TRPM3: variants seen among roughly 807,000 people sequenced by gnomAD.
The protein encoded by TRPM3 is transient receptor potential cation channel subfamily M member 3.
A neutral mutation model predicts 181.2 loss-of-function variants in TRPM3; 77 were observed. That is an observed-to-expected ratio of 0.42 (90% CI 0.35 to 0.51). The LOEUF (loss-of-function observed/expected upper bound fraction) is 0.51, where lower values mean the gene tolerates loss of function less well. Ranked by LOEUF, TRPM3 falls within the 20% of genes least tolerant of loss-of-function variation. The probability of loss-of-function intolerance (pLI) is 0.01; values close to 1 mark genes in which losing one functional copy is unlikely to be tolerated. For synonymous variants in TRPM3, 745 were observed against 796.4 expected (o/e 0.94, Z 1.09); for missense variants, 1,759 against 2,196.7 (o/e 0.80, Z 3.98).
intron 1 of TRPM3, among the ~76,000 whole-genome samples, chr9:71,116,952 A>G (rs1565232348): frequency 1.3e-5 from 2 of 152,128 alleles, no homozygotes; most frequent in Non-Finnish European, 2.9e-5. Context: ...CCTACTAGAG[A>G]CAATAACTGA....
At chr9:71,019,876 T>C (rs1366481519) in intron 1 of TRPM3, among the ~76,000 whole-genome samples, 4 of 152,080 alleles carry the variant, frequency 2.6e-5, no homozygotes, top group African/African-American at 9.7e-5. Context: ...GGTTCAGAAA[T>C]AGACCCACTC....
At chr9:70,562,869 G>A (rs565599790) in intron 22 of TRPM3, among the ~76,000 whole-genome samples, 42 of 152,016 alleles carry the variant, frequency 2.8e-4, no homozygotes, top group Non-Finnish European at 4.6e-4. Flanking sequence ...TATTGTACAC[G>A]CCAGTGGGTT....
chr9:70,894,409 A>C (rs1015580023), intron 1 of TRPM3, among the ~76,000 whole-genome samples: 3 of 152,090 alleles, frequency 2.0e-5, no homozygotes, highest in African/African-American at 7.2e-5. Flanking sequence ...CTGGGACTGT[A>C]CCACACTGGT....
Position 71,215,050 on chromosome 9 carries a change from A to C in TRPM3, c.183+231603T>G, listed in dbSNP as rs199919161. On this transcript the variant is annotated intron_variant, in intron 1 of 24. Transcript: ENST00000357533. ...CCAAAAAACAAAAAAAAAAAAACAAAAAAAAAAAAAAACAACAACCCAAAA... is the reference window on the plus strand; with the variant it reads ...CCAAAAAACAAAAAAAAAAAAACAACAAAAAAAAAAAACAACAACCCAAAA... Among the ~76,000 whole-genome samples the C allele has an allele frequency of 1.9e-4, 9 of 47,090 alleles. No individual in the cohort carries two copies. In the East Asian group the frequency reaches 2.6e-3, roughly 13 times the overall value. 30.9% of individuals were successfully genotyped at this position (47,090 alleles called of 152,430 possible). A position where few individuals can be genotyped will look rare whatever the true frequency, so the allele number is the denominator to read the frequency against.
intron 4 of TRPM3, among the ~76,000 whole-genome samples, chr9:70,843,416 T>G (rs904879262): frequency 6.6e-6 from 1 of 152,202 alleles, no homozygotes; most frequent in African/African-American, 2.4e-5. Flanking sequence ...AATACAATTT[T>G]TTTTAACTAG....
At chr9:71,242,253 C>T (rs73647975) in intron 1 of TRPM3, among the ~76,000 whole-genome samples, 2,892 of 152,244 alleles carry the variant, frequency 0.019, 101 homozygotes, top group African/African-American at 0.067. Context: ...TCACTAACTG[C>T]GCAGATGTGG....
At chr9:71,276,891 C>T (rs2084256682) in intron 1 of TRPM3, among the ~76,000 whole-genome samples, 2 of 151,956 alleles carry the variant, frequency 1.3e-5, no homozygotes, top group Admixed American at 1.3e-4. Flanking sequence ...ACTGGAAAAC[C>T]CCATGTGTGC....
rs2094177284 is a variant in TRPM3, at chr9:71,444,392, A to AT, written c.183+2260dup. On this transcript the variant is annotated intron_variant, in intron 1 of 24. Coordinates refer to the TRPM3 transcript ENST00000357533. Reference sequence around the variant, plus strand: ...GCCCCCATGTTTTACTATTAATCAAATTTTTCCACATTTTTCTATTTTGTC... The same window carrying AT: ...GCCCCCATGTTTTACTATTAATCAAATTTTTTCCACATTTTTCTATTTTGTC... Among the ~76,000 whole-genome samples, 3 of 152,070 alleles carry AT rather than the reference A, an allele frequency of 2.0e-5. No individual in the cohort carries two copies. The South Asian group carries it at 6.2e-4, about 32-fold the overall frequency.
intron 1 of TRPM3, among the ~76,000 whole-genome samples, chr9:71,414,794 C>A (rs1243267608): frequency 1.3e-5 from 2 of 151,970 alleles, no homozygotes; most frequent in Non-Finnish European, 2.9e-5. Flanking sequence ...CATACTCAGT[C>A]TTTTTGACTA....
rs1424376395 is a variant in TRPM3 at position 70,552,892 on chromosome 9, G to A, written c.3526C>T (p.Arg1176Ter). 5.0e-6 allele frequency: 8 copies of A among 1,614,146 alleles called. No individual in the cohort carries two copies. The highest frequency in any genetic ancestry group is 6.8e-6 in the Non-Finnish European group (8 of 1,180,032). The change falls in exon 24 of 26, where the codon CGA (arginine) becomes TGA (stop). Residue 1176 changes from arginine to a stop codon, truncating the protein, a stop_gained. Transcript: ENST00000677713. LOFTEE classifies it high-confidence loss of function. ...MTMIFQHLCC[R>*]WRKHESDPDE... The stretch of plus-strand genomic sequence containing the variant: ...GGGTCGCTCTCGTGTTTCCTCCATC[G>A]GCAGCACAGGTGCTGGAATATCATG...
intron 1 of TRPM3, among the ~76,000 whole-genome samples, chr9:71,364,066 G>C (rs577857152): frequency 1.3e-5 from 2 of 152,164 alleles, no homozygotes; most frequent in Admixed American, 6.5e-5. Context: ...CTGGAAAAAA[G>C]ATTCAAGGCT....
intron 1 of TRPM3, among the ~76,000 whole-genome samples, chr9:71,065,485 A>C (rs1362166700): frequency 6.6e-6 from 1 of 152,160 alleles, no homozygotes; most frequent in Non-Finnish European, 1.5e-5. Context: ...CAGCTAATAC[A>C]GTCAAATCAC....
At chr9:70,819,319 GGT>G (rs1408178852) in intron 6 of TRPM3, among the ~76,000 whole-genome samples, 1 of 152,156 alleles carries the variant, frequency 6.6e-6, no homozygotes, top group African/African-American at 2.4e-5. Flanking sequence ...TAGATATATA[GGT>G]GTGTTGGCTT....
chr9:70,871,661 G>T (rs2095791919), intron 1 of TRPM3, among the ~76,000 whole-genome samples: 1 of 151,962 alleles, frequency 6.6e-6, no homozygotes, highest in Admixed American at 6.6e-5. Flanking sequence ...TGTAGCTCTA[G>T]GCCACACTGT....
chr9:70,610,375 A>G (rs1717070330), intron 19 of TRPM3, among the ~76,000 whole-genome samples: 1 of 151,798 alleles, frequency 6.6e-6, no homozygotes, highest in African/African-American at 2.4e-5. Context: ...TATTACTGTT[A>G]GTTCTCACCT....
chr9:70,616,208 AGTT>A (rs1315163238), intron 17 of TRPM3, 133 bp from the exon 18 acceptor site: 9 of 524,998 alleles, frequency 1.7e-5, no homozygotes, highest in African/African-American at 7.8e-5. Flanking sequence ...ATGCACACAC[AGTT>A]GTTATATGCT....
chr9:70,920,364 T>G (rs1431386693), intron 1 of TRPM3, among the ~76,000 whole-genome samples: 1 of 152,136 alleles, frequency 6.6e-6, no homozygotes, highest in Non-Finnish European at 1.5e-5. Context: ...AAAAGTCTAT[T>G]AGGTTTTTGC....
intron 1 of TRPM3, among the ~76,000 whole-genome samples, chr9:71,160,860 G>C (rs1272577727): frequency 6.6e-6 from 1 of 152,130 alleles, no homozygotes; most frequent in Non-Finnish European, 1.5e-5. Flanking sequence ...TATGAGACTG[G>C]ACTGGACATA....
intron 6 of TRPM3, chr9:70,826,732 C>T (rs964088584): frequency 5.3e-5 from 8 of 152,316 alleles, no homozygotes; most frequent in Admixed American, 5.2e-4. Context: ...TCTGAAAACT[C>T]ATCTAGCCAA....
Sources: gnomAD v4.1 joint callset for allele counts (sites outside exome capture counted in the v4.1 genomes callset) on GRCh38, gnomAD v4.1.1 for gene constraint, MANE v1.5 for transcripts, NCBI Gene and HGNC (gene_info 2026-07-23, HGNC 2026-07-21) for gene names.